Variants in PDE5A observed in about 807,000 individuals in gnomAD.
PDE5A encodes the protein cGMP-specific 3',5'-cyclic phosphodiesterase.
PDE5A carries 67 observed loss-of-function variants against 110.2 expected under a neutral mutation model. The ratio of observed to expected loss-of-function variants is 0.61; its 90% CI spans 0.50 to 0.75. The LOEUF (loss-of-function observed/expected upper bound fraction) is 0.75. PDE5A is among the 30% of genes least tolerant of loss of function. The probability of loss-of-function intolerance (pLI) is 0.00; values close to 1 mark genes in which losing one functional copy is unlikely to be tolerated. For synonymous variants in PDE5A, 328 were observed against 351.2 expected, an observed-to-expected ratio of 0.93 and a Z score of 0.74; for missense variants, 862 against 1,045.1, an observed-to-expected ratio of 0.82 and a Z score of 2.42.
At position 119,495,399 on chromosome 4, in the gene PDE5A, A is replaced by G. The variant is rs1295547694; in HGVS notation, c.*3202T>C. On this transcript the variant is annotated 3_prime_UTR_variant, in exon 21 of 21. Transcript: ENST00000354960. The stretch of plus-strand genomic sequence containing the variant: ...TGACTACAGTTGTTCATAAGAGAGG[A>G]TAACGATGACATTTTGTATCCTCTC... 1 of 152,258 alleles carries G rather than the reference A, an allele frequency of 6.6e-6. No individual in the cohort carries two copies. The highest frequency in any genetic ancestry group is 1.5e-5 in the Non-Finnish European group (1 of 68,022). The allele number at this position is 152,258 out of a possible 1,614,324, so 9.4% of individuals were successfully genotyped here. A position where few individuals can be genotyped will look rare whatever the true frequency, so the allele number is the denominator to read the frequency against.
At chr4:119,515,714 T>C (rs889924783) in intron 14 of PDE5A, among the ~76,000 whole-genome samples, 1 of 152,118 alleles carries the variant, frequency 6.6e-6, no homozygotes, top group Non-Finnish European at 1.5e-5. Flanking sequence ...TAGCTGCTCA[T>C]TATTAAATTA....
chr4:119,603,536 A>G (rs182908416), intron 2 of PDE5A, among the ~76,000 whole-genome samples: 1 of 152,384 alleles, frequency 6.6e-6, no homozygotes, highest in East Asian at 1.9e-4. Context: ...ATGGGTCTAC[A>G]TGAGAATCAC....
chr4:119,552,710 A>T, intron 8 of PDE5A, 73 bp from the exon 9 acceptor site: 2 of 717,816 alleles, frequency 2.8e-6, no homozygotes, highest in Non-Finnish European at 4.5e-6. Flanking sequence ...TGCCATATAA[A>T]CTATATGACA....
chr4:119,523,281 ATC>A (rs765574041), intron 12 of PDE5A, among the ~76,000 whole-genome samples: 1 of 152,050 alleles, frequency 6.6e-6, no homozygotes, highest in Non-Finnish European at 1.5e-5. Context: ...AGAATGAAGA[ATC>A]TGTTTCAGAG....
intron 1 of PDE5A, among the ~76,000 whole-genome samples, chr4:119,612,035 C>G (rs1323800643): frequency 6.6e-6 from 1 of 152,204 alleles, no homozygotes; most frequent in Non-Finnish European, 1.5e-5. Flanking sequence ...AAATACAAAT[C>G]ACCTGCAAAT....
chr4:119,501,764 T>C (rs1725344930), intron 19 of PDE5A, among the ~76,000 whole-genome samples: 1 of 152,214 alleles, frequency 6.6e-6, no homozygotes, highest in South Asian at 2.1e-4. Flanking sequence ...TCTTTACTTG[T>C]ATCTGAGATC....
intron 12 of PDE5A, among the ~76,000 whole-genome samples, chr4:119,521,494 CTCCCAAGTTCT>C (rs2110470378): frequency 6.6e-6 from 1 of 151,924 alleles, no homozygotes; most frequent in Admixed American, 6.6e-5. Context: ...AAAGCGGCCA[CTCCCAAGTTCT>C]TCCCATGCTC....
At chr4:119,559,773 A>T (rs1727681264) in intron 7 of PDE5A, among the ~76,000 whole-genome samples, 1 of 152,218 alleles carries the variant, frequency 6.6e-6, no homozygotes, top group Non-Finnish European at 1.5e-5. Context: ...TCAATGCATG[A>T]TCAGCAAAGC....
At chr4:119,558,698 A>G (rs966413538) in intron 7 of PDE5A, among the ~76,000 whole-genome samples, 23 of 152,146 alleles carry the variant, frequency 1.5e-4, no homozygotes, top group African/African-American at 5.5e-4. Context: ...CTGTATCACT[A>G]TAATAAAAGC....
chr4:119,523,522 C>T (rs1726201886), intron 12 of PDE5A, among the ~76,000 whole-genome samples: 1 of 151,884 alleles, frequency 6.6e-6, no homozygotes, highest in Non-Finnish European at 1.5e-5. Context: ...GAAGGCCAGC[C>T]AGAATGATGG....
chr4:119,609,396 T>G (rs181914519), intron 1 of PDE5A, among the ~76,000 whole-genome samples: 1 of 152,154 alleles, frequency 6.6e-6, no homozygotes, highest in African/African-American at 2.4e-5. Flanking sequence ...AACATAATTA[T>G]ATGTACTGAT....
intron 3 of PDE5A, among the ~76,000 whole-genome samples, chr4:119,585,636 A>G (rs1728734216): frequency 6.6e-6 from 1 of 152,206 alleles, no homozygotes; most frequent in South Asian, 2.1e-4. Context: ...ATGAAAGTAC[A>G]TTAGTACTAT....
At chr4:119,551,501 T>G (rs1727354124) in intron 9 of PDE5A, among the ~76,000 whole-genome samples, 1 of 152,292 alleles carries the variant, frequency 6.6e-6, no homozygotes, top group Non-Finnish European at 1.5e-5. Context: ...GCAGAGGGAC[T>G]GGGAATTGGA....
At chr4:119,588,894 T>G (rs2110529151) in intron 3 of PDE5A, among the ~76,000 whole-genome samples, 1 of 152,334 alleles carries the variant, frequency 6.6e-6, no homozygotes, top group South Asian at 2.1e-4. Context: ...CCTAAATTCT[T>G]GATTTTAACT....
At position 119,560,508 on chromosome 4, in the gene PDE5A, G is replaced by A. The variant is rs1727710787; in HGVS notation, c.1132-145C>T. On this transcript the variant is annotated intron_variant, in intron 6 of 20. Coordinates refer to ENST00000354960, the MANE Select transcript of PDE5A (RefSeq NM_001083.4). ...TTATTCTTGGACAAAATAGACCCAAGTACTCATTTTATGACATCCTCAAAA... is the reference window on the plus strand; with the variant it reads ...TTATTCTTGGACAAAATAGACCCAAATACTCATTTTATGACATCCTCAAAA... 1.1e-5 allele frequency: 5 copies of A among 436,474 alleles called. No homozygotes were observed. In the South Asian group the frequency reaches 3.4e-4, roughly 29 times the overall value. The allele number at this position is 436,474 out of a possible 1,614,324, so 27.0% of individuals were successfully genotyped here.
At chr4:119,505,795 A>T (rs1032730183) in intron 17 of PDE5A, 60 bp downstream of exon 17, 9 of 983,924 alleles carry the variant, frequency 9.1e-6, no homozygotes, top group Admixed American at 7.8e-5. Context: ...GTGAGGAAAA[A>T]ATAGTGAGAA....
chr4:119,532,674 T>C (rs544408114), intron 11 of PDE5A, among the ~76,000 whole-genome samples: 1 of 152,228 alleles, frequency 6.6e-6, no homozygotes, highest in Admixed American at 6.5e-5. Flanking sequence ...GAAAATAATA[T>C]ACTTGGGTAA....
At chr4:119,522,429 T>TGATATGTTTAGAA (rs760891863) in intron 12 of PDE5A, among the ~76,000 whole-genome samples, 12 of 152,108 alleles carry the variant, frequency 7.9e-5, no homozygotes, top group Non-Finnish European at 1.5e-4. Context: ...AAACTCTCTT[T>TGATATGTTTAGAA]GATATGTTTA....
chr4:119,515,493 G>A (rs191890387), intron 14 of PDE5A, among the ~76,000 whole-genome samples: 144 of 151,954 alleles, frequency 9.5e-4, no homozygotes, highest in African/African-American at 3.3e-3. Context: ...ACATTCGTTC[G>A]ATCATTTTAC....
Sources: gnomAD v4.1 joint callset for allele counts (sites outside exome capture counted in the v4.1 genomes callset) on GRCh38, gnomAD v4.1.1 for gene constraint, MANE v1.5 for transcripts, NCBI Gene and HGNC (gene_info 2026-07-23, HGNC 2026-07-21) for gene names.